The following SLC35F1 variants were observed in gnomAD, a reference collection of about 807,000 sequenced individuals.
The protein encoded by SLC35F1 is solute carrier family 35 member F1, also known as chromosome 6 open reading frame 169.
Under a neutral mutation model 48.7 loss-of-function variants are expected in SLC35F1, and 14 were observed. The ratio of observed to expected loss-of-function variants is 0.29; its 90% CI spans 0.19 to 0.45. The LOEUF (loss-of-function observed/expected upper bound fraction) is 0.45. Ranked by LOEUF, SLC35F1 falls within the 20% of genes least tolerant of loss-of-function variation. The pLI is 1.00. For synonymous variants in SLC35F1, 190 were observed against 202.2 expected (o/e 0.94, Z 0.51); for missense variants, 404 against 500.0 (o/e 0.81, Z 1.83).
At position 117,997,018 on chromosome 6, in the gene SLC35F1, A is replaced by G. The variant is rs544219174; in HGVS notation, c.173+89119A>G. On this transcript the variant is annotated intron_variant, in intron 1 of 7. Transcript: ENST00000360388. ...TCAAACCAAAGGCAAAGAAGTTAAA[A>G]ACTTTGAAAAAAATTTAGATGAATG... 2.0e-5 allele frequency among the ~76,000 whole-genome samples: 3 copies of G among 152,298 alleles called. No homozygotes were observed. The South Asian group carries it at 6.2e-4, about 32-fold the overall frequency.
intron 1 of SLC35F1, among the ~76,000 whole-genome samples, chr6:118,049,448 T>A (rs1259559092): frequency 1.3e-5 from 2 of 151,706 alleles, no homozygotes; most frequent in Non-Finnish European, 2.9e-5. Flanking sequence ...TGGGAAAAAA[T>A]TTTTGCAACC....
intron 1 of SLC35F1, among the ~76,000 whole-genome samples, chr6:117,962,100 G>A (rs116716803): frequency 8.3e-4 from 127 of 152,234 alleles, no homozygotes; most frequent in African/African-American, 2.7e-3. Flanking sequence ...TGGATCACTC[G>A]GTTTCCATTT....
intron 1 of SLC35F1, among the ~76,000 whole-genome samples, chr6:118,141,174 CATG>C (rs1773883922): frequency 6.6e-6 from 1 of 152,212 alleles, no homozygotes; most frequent in Non-Finnish European, 1.5e-5. Flanking sequence ...AAGCTCCATT[CATG>C]ATAAGTGCCC....
At chr6:118,128,059 A>C (rs1398925611) in intron 1 of SLC35F1, among the ~76,000 whole-genome samples, 1 of 149,402 alleles carries the variant, frequency 6.7e-6, no homozygotes, top group Non-Finnish European at 1.5e-5. Context: ...CACATGAAAA[A>C]ATGCTCATCA....
intron 3 of SLC35F1, among the ~76,000 whole-genome samples, chr6:118,262,099 T>A (rs1219564347): frequency 6.6e-6 from 1 of 152,160 alleles, no homozygotes; most frequent in Non-Finnish European, 1.5e-5. Context: ...CAGAAAATGT[T>A]CCATCTTCAT....
intron 2 of SLC35F1, among the ~76,000 whole-genome samples, chr6:118,217,650 A>G (rs934789459): frequency 2.0e-5 from 3 of 152,166 alleles, no homozygotes; most frequent in Admixed American, 2.0e-4. Context: ...TACCACATGG[A>G]AAAAACAATA....
chr6:118,281,180 C>G (rs1562349441), intron 6 of SLC35F1, among the ~76,000 whole-genome samples: 1 of 74,312 alleles, frequency 1.3e-5, no homozygotes, highest in Admixed American at 1.1e-4. Context: ...TAGTAACTCT[C>G]TCTCTCTCTC....
At chr6:118,205,113 C>A (rs1180082428) in intron 2 of SLC35F1, among the ~76,000 whole-genome samples, 2 of 152,166 alleles carry the variant, frequency 1.3e-5, no homozygotes, top group African/African-American at 4.8e-5. Context: ...GCTCTGCCTG[C>A]CCTCCCCATC....
In SLC35F1 at chr6:118,297,640, A is replaced by T. The variant is rs867723265; in HGVS notation, c.1002+12302A>T. 2.2e-3 allele frequency among the ~76,000 whole-genome samples: 191 copies of T among 86,472 alleles called. 1 individual carries two copies. Among genetic ancestry groups the T allele is most frequent in the African/African-American group, 0.01 (174 of 17,064 alleles). 56.7% of individuals were successfully genotyped at this position (86,472 alleles called of 152,430 possible). ...TCAGAACTTATATATATATATATAA[A>T]AAATATATATATAATATATATAATA... On this transcript the variant is annotated intron_variant, in intron 7 of 7. Transcript: ENST00000360388.
intron 2 of SLC35F1, among the ~76,000 whole-genome samples, chr6:118,205,094 C>A (rs543509469): frequency 3.3e-5 from 5 of 152,196 alleles, no homozygotes; most frequent in African/African-American, 1.2e-4. Flanking sequence ...ACTCTTCTCT[C>A]CTGATGCAGC....
intron 1 of SLC35F1, among the ~76,000 whole-genome samples, chr6:118,153,655 C>A (rs987985013): frequency 6.6e-6 from 1 of 152,134 alleles, no homozygotes; most frequent in African/African-American, 2.4e-5. Flanking sequence ...ACGCCTTGAC[C>A]CTTGCCTGTA....
chr6:117,933,531 T>G (rs186295968), intron 1 of SLC35F1, among the ~76,000 whole-genome samples: 1 of 152,318 alleles, frequency 6.6e-6, no homozygotes, highest in African/African-American at 2.4e-5. Flanking sequence ...TCCACGTAAA[T>G]TATTCAGAAC....
In SLC35F1 at chr6:118,037,267, C is replaced by T. The variant is rs73521553; in HGVS notation, c.174-117178C>T. Among the ~76,000 whole-genome samples the T allele has an allele frequency of 2.2e-3, 337 of 152,164 alleles. 2 individuals are homozygous for T. The highest frequency in any genetic ancestry group is 7.9e-3 in the African/African-American group (326 of 41,520). ...TTTTTAAGACAATATATAATTGAGTCTAGCTTTGTGTCTGCTCTGACAGTC... is the reference window on the plus strand; with the variant it reads ...TTTTTAAGACAATATATAATTGAGTTTAGCTTTGTGTCTGCTCTGACAGTC... On this transcript the variant is annotated intron_variant, in intron 1 of 7. Coordinates refer to ENST00000360388, the MANE Select transcript of SLC35F1 (RefSeq NM_001029858.4).
intron 1 of SLC35F1, among the ~76,000 whole-genome samples, chr6:118,010,269 A>G (rs888585810): frequency 1.3e-5 from 2 of 152,184 alleles, no homozygotes; most frequent in Admixed American, 1.3e-4. Flanking sequence ...CAAATGTTCC[A>G]TTTAAGAGCC....
intron 3 of SLC35F1, among the ~76,000 whole-genome samples, chr6:118,262,193 G>C (rs1305649816): frequency 6.6e-6 from 1 of 152,044 alleles, no homozygotes; most frequent in South Asian, 2.1e-4. Context: ...CGGAAGTGTG[G>C]GTGTCTAAAG....
At chr6:118,139,792 AAGCTGTTATCCTT>A (rs779160030) in intron 1 of SLC35F1, among the ~76,000 whole-genome samples, 8 of 152,200 alleles carry the variant, frequency 5.3e-5, no homozygotes, top group Non-Finnish European at 8.8e-5. Context: ...CAGTCTGCCG[AAGCTGTTATCCTT>A]AGCATTGTTC....
chr6:118,013,335 A>G lies in SLC35F1; in HGVS notation c.173+105436A>G, dbSNP rs1328084926. 6.4e-4 allele frequency among the ~76,000 whole-genome samples: 98 copies of G among 152,234 alleles called. 1 individual carries two copies. Among genetic ancestry groups the G allele is most frequent in the Non-Finnish European group, 2.9e-5 (2 of 68,028 alleles). ...TGGACTGGGCAGCAGGCTTTTAAAC[A>G]TTGATCTGCAGTGTATGAATTACAA... On this transcript the variant is annotated intron_variant, in intron 1 of 7. Coordinates refer to ENST00000360388, the MANE Select transcript of SLC35F1 (RefSeq NM_001029858.4).
At chr6:118,051,259 T>G (rs1273015543) in intron 1 of SLC35F1, among the ~76,000 whole-genome samples, 1 of 152,138 alleles carries the variant, frequency 6.6e-6, no homozygotes, top group Admixed American at 6.6e-5. Flanking sequence ...GGTATTTAAT[T>G]TTCCAAAAAA....
chr6:118,204,856 C>T (rs1380456524), intron 2 of SLC35F1, among the ~76,000 whole-genome samples: 1 of 152,128 alleles, frequency 6.6e-6, no homozygotes, highest in Non-Finnish European at 1.5e-5. Context: ...TTACATCATC[C>T]ACTGACTAGC....
Sources: allele counts gnomAD v4.1 joint callset (sites outside exome capture counted in the v4.1 genomes callset), GRCh38; gene constraint gnomAD v4.1.1; transcripts MANE v1.5; gene names NCBI Gene and HGNC (gene_info 2026-07-23, HGNC 2026-07-21).